Variants in USH2A observed in about 807,000 individuals in gnomAD.
USH2A encodes the protein usherin, also known as Usher syndrome 2A (autosomal recessive, mild).
In USH2A, 443 loss-of-function variants were observed where a neutral mutation model predicts 538.9. That is an observed-to-expected ratio of 0.82 (90% CI 0.76 to 0.89). The LOEUF (loss-of-function observed/expected upper bound fraction) is 0.89, where lower values mean the gene tolerates loss of function less well. Ranked by LOEUF, USH2A falls within the 40% of genes least tolerant of loss-of-function variation. The probability of loss-of-function intolerance (pLI) is 0.00; values close to 1 mark genes in which losing one functional copy is unlikely to be tolerated. For synonymous variants in USH2A, 2,413 were observed against 2,273.5 expected, an observed-to-expected ratio of 1.06 and a Z score of -1.75; for missense variants, 6,633 against 6,324.8, an observed-to-expected ratio of 1.05 and a Z score of -1.65.
At chr1:216,307,574 T>A (rs1317680922) in intron 9 of USH2A, among the ~76,000 whole-genome samples, 6 of 152,164 alleles carry the variant, frequency 3.9e-5, no homozygotes, top group African/African-American at 1.4e-4. Context: ...GCACTCCCAG[T>A]TCACCCTCAC....
In USH2A at chr1:215,782,895, A is replaced by C; in HGVS notation, c.10428T>G (p.Ile3476Met). The change falls in exon 53 of 72, where the codon ATT becomes ATG. Residue 3476 changes from isoleucine to methionine, a missense_variant. By Grantham distance (10) the Ile-to-Met change is conservative. Transcript: ENST00000307340. ...CTCGCCCATAGCTGTTCCAGGCAGA[A>C]ATCCTGTACTCATATGTCATGTAGG... ...LKPYMTYEYR[I>M]SAWNSYGRGL... The C allele has an allele frequency of 6.2e-7, 1 of 1,613,820 alleles. No homozygotes were observed. The highest frequency in any genetic ancestry group is 1.7e-4 in the Middle Eastern group (1 of 6,058).
intron 61 of USH2A, among the ~76,000 whole-genome samples, chr1:215,683,216 T>TACACAC (rs71167830): frequency 4.5e-4 from 68 of 149,688 alleles, no homozygotes; most frequent in African/African-American, 1.6e-3. Flanking sequence ...AATAGTTTTA[T>TACACAC]ACACACACAC....
chr1:215,926,897 C>T (rs769328889), intron 38 of USH2A, among the ~76,000 whole-genome samples: 5 of 151,934 alleles, frequency 3.3e-5, no homozygotes, highest in Admixed American at 2.0e-4. Flanking sequence ...CGTGAGCCAC[C>T]GCGCCCAGCC....
intron 4 of USH2A, among the ~76,000 whole-genome samples, chr1:216,352,798 A>T (rs1024111275): frequency 6.6e-6 from 1 of 152,156 alleles, no homozygotes. Flanking sequence ...TAAATATAGC[A>T]GTGGAAATCT....
chr1:215,712,522 G>A (rs1205455334), intron 61 of USH2A, among the ~76,000 whole-genome samples: 3 of 152,150 alleles, frequency 2.0e-5, no homozygotes, highest in African/African-American at 4.8e-5. Context: ...ACTAAGTGAG[G>A]TACCACCAGA....
At chr1:215,705,488 T>A (rs982475191) in intron 61 of USH2A, among the ~76,000 whole-genome samples, 1 of 152,108 alleles carries the variant, frequency 6.6e-6, no homozygotes, top group Non-Finnish European at 1.5e-5. Context: ...CCATCTACAG[T>A]GATTATAAGA....
chr1:216,218,847 A>G (rs1048364617), intron 14 of USH2A, among the ~76,000 whole-genome samples: 1 of 152,134 alleles, frequency 6.6e-6, no homozygotes, highest in Non-Finnish European at 1.5e-5. Context: ...ATTATGTATT[A>G]TAATTAAAAT....
At chr1:215,983,624 AAAAC>A (rs1474539136) in intron 35 of USH2A, among the ~76,000 whole-genome samples, 1 of 152,186 alleles carries the variant, frequency 6.6e-6, no homozygotes, top group African/African-American at 2.4e-5. Flanking sequence ...CCCCATCAAA[AAAAC>A]AAACACACAC....
chr1:215,864,624 T>C (rs542728747), intron 44 of USH2A, among the ~76,000 whole-genome samples: 14 of 152,178 alleles, frequency 9.2e-5, no homozygotes, highest in Non-Finnish European at 1.8e-4. Flanking sequence ...TATCTTTATG[T>C]ATAATTCTTA....
intron 21 of USH2A, among the ~76,000 whole-genome samples, chr1:216,116,871 G>C (rs1027171305): frequency 1.3e-5 from 2 of 152,070 alleles, no homozygotes; most frequent in Non-Finnish European, 2.9e-5. Context: ...ACAGGATTAG[G>C]AACTTCCTGA....
intron 32 of USH2A, among the ~76,000 whole-genome samples, chr1:216,022,027 C>T (rs1668855309): frequency 6.6e-6 from 1 of 152,054 alleles, no homozygotes; most frequent in Non-Finnish European, 1.5e-5. Context: ...CTGACACTTC[C>T]TCCTCTCTCT....
At chr1:215,743,128 G>A in intron 59 of USH2A, 49 bp downstream of exon 59, 1 of 1,592,390 alleles carries the variant, frequency 6.3e-7, no homozygotes, top group Non-Finnish European at 8.6e-7. Context: ...ATTTTTTAAT[G>A]AAATACTTTT....
At chr1:216,090,595 G>T (rs974456814) in intron 22 of USH2A, among the ~76,000 whole-genome samples, 3 of 152,028 alleles carry the variant, frequency 2.0e-5, no homozygotes, top group African/African-American at 4.8e-5. Flanking sequence ...CCTTATATCT[G>T]TTTTGTCTAC....
chr1:216,072,774 G>A (rs1204301972), intron 29 of USH2A, 115 bp downstream of exon 29: 4 of 1,013,544 alleles, frequency 3.9e-6, no homozygotes, highest in Non-Finnish European at 6.2e-6. Context: ...GGCATGCTCT[G>A]TCAGAAGACT....
At chr1:215,977,495 A>AT in intron 35 of USH2A, among the ~76,000 whole-genome samples, 1 of 134,828 alleles carries the variant, frequency 7.4e-6, no homozygotes, top group African/African-American at 2.7e-5. Flanking sequence ...ACTTAAAATA[A>AT]TTTTTTAAAT....
intron 61 of USH2A, among the ~76,000 whole-genome samples, chr1:215,724,770 CT>C (rs138879161): frequency 0.15 from 22,936 of 152,086 alleles, 1,864 homozygotes; most frequent in African/African-American, 0.16. Flanking sequence ...AGGGCCAAGT[CT>C]CACAGTAGAC....
At chr1:215,954,465 CA>C (rs1667010912) in intron 37 of USH2A, among the ~76,000 whole-genome samples, 1 of 148,868 alleles carries the variant, frequency 6.7e-6, no homozygotes, top group Non-Finnish European at 1.5e-5. Context: ...ATCGCAAGGA[CA>C]AAAAACCAAA....
chr1:216,249,602 T>G (rs1054873366), intron 12 of USH2A, among the ~76,000 whole-genome samples: 2 of 152,150 alleles, frequency 1.3e-5, no homozygotes, highest in Admixed American at 6.6e-5. Context: ...AAAAAATTAG[T>G]TTCTGTATGC....
intron 61 of USH2A, among the ~76,000 whole-genome samples, chr1:215,691,334 C>T (rs534028517): frequency 6.6e-6 from 1 of 152,266 alleles, no homozygotes; most frequent in East Asian, 1.9e-4. Flanking sequence ...CCCACCCTTC[C>T]ACTTCCTTTC....
Sources: gnomAD v4.1 joint callset for allele counts (sites outside exome capture counted in the v4.1 genomes callset) on GRCh38, gnomAD v4.1.1 for gene constraint, MANE v1.5 for transcripts, NCBI Gene and HGNC (gene_info 2026-07-23, HGNC 2026-07-21) for gene names.